PLEKHA7: variants seen among roughly 807,000 people sequenced by gnomAD.
PLEKHA7 encodes the protein pleckstrin homology domain-containing family A member 7.
Under a neutral mutation model 170.0 loss-of-function variants are expected in PLEKHA7, and 104 were observed. That is an observed-to-expected ratio of 0.61 (90% CI 0.52 to 0.72). The LOEUF is 0.72. Ranked by LOEUF, PLEKHA7 falls within the 30% of genes least tolerant of loss-of-function variation. The pLI, the probability that PLEKHA7 is intolerant of heterozygous loss-of-function variation, is 0.00. For missense variants in PLEKHA7, 1,615 were observed against 1,671.7 expected (o/e 0.97, Z 0.59); for synonymous variants, 648 against 660.8 (o/e 0.98, Z 0.30).
intron 6 of PLEKHA7, among the ~76,000 whole-genome samples, chr11:16,853,991 C>T (rs373133442): frequency 1.1e-4 from 17 of 152,232 alleles, no homozygotes; most frequent in African/African-American, 4.1e-4. Context: ...AGAGACAGGG[C>T]TGGGTGACAA....
chr11:16,903,046 G>A (rs1202973671), intron 3 of PLEKHA7, among the ~76,000 whole-genome samples: 2 of 152,148 alleles, frequency 1.3e-5, no homozygotes, highest in African/African-American at 4.8e-5. Flanking sequence ...ATTACTTATG[G>A]GCCATTTTCA....
intron 10 of PLEKHA7, among the ~76,000 whole-genome samples, chr11:16,819,979 G>A (rs1850082860): frequency 6.6e-6 from 1 of 152,226 alleles, no homozygotes; most frequent in South Asian, 2.1e-4. Flanking sequence ...CAGGTAAGGT[G>A]ATGAATGTCA....
At chr11:16,794,440 G>A in intron 19 of PLEKHA7, 48 bp downstream of exon 19, 2 of 1,546,182 alleles carry the variant, frequency 1.3e-6, no homozygotes, top group Non-Finnish European at 1.8e-6. Flanking sequence ...GGTAATCTGA[G>A]GACAGAGAGG....
intron 25 of PLEKHA7, among the ~76,000 whole-genome samples, chr11:16,783,272 G>T (rs192171195): frequency 6.6e-6 from 1 of 152,334 alleles, no homozygotes; most frequent in East Asian, 1.9e-4. Flanking sequence ...AGGGGAGTGG[G>T]CAATGCCTCT....
At chr11:16,885,351 A>G (rs914213874) in intron 3 of PLEKHA7, among the ~76,000 whole-genome samples, 2 of 151,764 alleles carry the variant, frequency 1.3e-5, no homozygotes, top group Non-Finnish European at 2.9e-5. Flanking sequence ...AAAAATTCAT[A>G]TGTAAAAGTA....
intron 3 of PLEKHA7, among the ~76,000 whole-genome samples, chr11:16,892,619 C>CTTTTTTTTTTTTT (rs10674972): frequency 3.6e-5 from 3 of 82,410 alleles, no homozygotes; most frequent in African/African-American, 5.2e-5. Context: ...CTTCCAGCTT[C>CTTTTTTTTTTTTT]TTTTTTTTTT....
intron 3 of PLEKHA7, among the ~76,000 whole-genome samples, chr11:16,921,283 CA>C (rs1859068257): frequency 6.6e-6 from 1 of 152,260 alleles, no homozygotes; most frequent in East Asian, 1.9e-4. Context: ...TGCCTAAACT[CA>C]AATCAAACTA....
chr11:16,993,325 C>T (rs955710022), intron 3 of PLEKHA7, among the ~76,000 whole-genome samples: 4 of 147,482 alleles, frequency 2.7e-5, no homozygotes, highest in Admixed American at 6.7e-5. Flanking sequence ...TGGGTCGGGG[C>T]GGGCAGAGTG....
chr11:16,998,004 C>T (rs1361439236), intron 3 of PLEKHA7, among the ~76,000 whole-genome samples: 1 of 152,132 alleles, frequency 6.6e-6, no homozygotes, highest in African/African-American at 2.4e-5. Context: ...AGCTCTGCCG[C>T]CTTACACCTG....
At position 16,783,804 on chromosome 11, in the gene PLEKHA7, A is replaced by G. The variant is rs1590105357; in HGVS notation, c.3546T>C (p.Pro1182=). The change falls in exon 25 of 27, where the codon CCT becomes CCC. Residue 1182 remains proline, a synonymous_variant. Transcript: ENST00000531066. ...CGGGATCTAGCTCCACGTAGCGCTCAGGGATTGACACCTTCTCTGGTTTGG... is the reference window on the plus strand; with the variant it reads ...CGGGATCTAGCTCCACGTAGCGCTCGGGGATTGACACCTTCTCTGGTTTGG... The part of the protein sequence containing the change: ...ELSKPEKVSI[P]ERYVELDPEE... The G allele has an allele frequency of 6.6e-7, 1 of 1,509,076 alleles. No individual in the cohort carries two copies. Among genetic ancestry groups the G allele is most frequent in the Non-Finnish European group, 8.8e-7 (1 of 1,133,960 alleles). The allele number at this position is 1,509,076 out of a possible 1,614,324, so 93.5% of individuals were successfully genotyped here.
At chr11:16,939,987 A>G (rs1467783669) in intron 3 of PLEKHA7, among the ~76,000 whole-genome samples, 3 of 152,172 alleles carry the variant, frequency 2.0e-5, no homozygotes, top group South Asian at 2.1e-4. Context: ...AAGAAACCCA[A>G]TGGTTCAGAG....
chr11:16,950,150 G>A (rs183881567), intron 3 of PLEKHA7, among the ~76,000 whole-genome samples: 100 of 152,100 alleles, frequency 6.6e-4, no homozygotes, highest in African/African-American at 1.5e-3. Flanking sequence ...AGAACAGAGC[G>A]CTGAGAACCA....
chr11:16,951,234 T>C (rs1041348452), intron 3 of PLEKHA7, among the ~76,000 whole-genome samples: 13 of 152,240 alleles, frequency 8.5e-5, no homozygotes, highest in African/African-American at 3.1e-4. Flanking sequence ...ACCCAGGCAG[T>C]TTCACCTTGC....
chr11:16,879,674 C>T (rs1855567280), intron 3 of PLEKHA7, among the ~76,000 whole-genome samples: 1 of 152,208 alleles, frequency 6.6e-6, no homozygotes. Flanking sequence ...CTGGCACAGG[C>T]AGAGCTGGGC....
chr11:16,968,551 A>T (rs1397227940), intron 3 of PLEKHA7, among the ~76,000 whole-genome samples: 1 of 152,178 alleles, frequency 6.6e-6, no homozygotes, highest in African/African-American at 2.4e-5. Flanking sequence ...ATGCCACATC[A>T]GATTAATGCA....
chr11:16,823,819 G>A (rs1010451012), intron 10 of PLEKHA7, among the ~76,000 whole-genome samples: 2 of 152,076 alleles, frequency 1.3e-5, no homozygotes, highest in African/African-American at 2.4e-5. Flanking sequence ...GTTTATTGTA[G>A]CATTATTCAC....
At chr11:16,896,003 A>G (rs1856969379) in intron 3 of PLEKHA7, among the ~76,000 whole-genome samples, 2 of 152,188 alleles carry the variant, frequency 1.3e-5, no homozygotes, top group South Asian at 4.1e-4. Flanking sequence ...AAGACTAAAC[A>G]GGATACACGA....
chr11:16,793,294 T>A (rs1342506677), intron 19 of PLEKHA7, among the ~76,000 whole-genome samples: 3 of 152,210 alleles, frequency 2.0e-5, no homozygotes, highest in African/African-American at 7.2e-5. Context: ...TCCTGCTGTT[T>A]GTTTTGGAAT....
At chr11:16,950,367 C>T (rs978109547) in intron 3 of PLEKHA7, among the ~76,000 whole-genome samples, 1 of 152,102 alleles carries the variant, frequency 6.6e-6, no homozygotes, top group African/African-American at 2.4e-5. Flanking sequence ...TTCAGGGATC[C>T]CAGTTCTTCC....
Sources: gnomAD v4.1 joint callset for allele counts (sites outside exome capture counted in the v4.1 genomes callset) on GRCh38, gnomAD v4.1.1 for gene constraint, MANE v1.5 for transcripts, NCBI Gene and HGNC (gene_info 2026-07-23, HGNC 2026-07-21) for gene names.